Variants in SNX29 observed in about 807,000 individuals in gnomAD.
The protein encoded by SNX29 is sorting nexin-29.
In SNX29, 78 loss-of-function variants were observed where a neutral mutation model predicts 102.1. The observed-to-expected ratio is 0.76, with a 90% confidence interval of 0.64 to 0.92. The LOEUF is 0.92. SNX29 is among the 40% of genes least tolerant of loss of function. The probability of loss-of-function intolerance (pLI) is 0.00; values close to 1 mark genes in which losing one functional copy is unlikely to be tolerated. For synonymous variants in SNX29, 580 were observed against 414.5 expected (o/e 1.40, Z -4.85); for missense variants, 1,280 against 1,061.7 (o/e 1.21, Z -2.86).
intron 3 of SNX29, among the ~76,000 whole-genome samples, chr16:12,011,005 C>G (rs1004468451): frequency 6.6e-6 from 1 of 151,960 alleles, no homozygotes; most frequent in African/African-American, 2.4e-5. Context: ...CAGCCTCTAA[C>G]TAGTTTGAGG....
chr16:12,515,719 C>A, intron 19 of SNX29: 2 of 431,004 alleles, frequency 4.6e-6, no homozygotes, highest in Admixed American at 2.5e-5. Flanking sequence ...TGGATCTAAG[C>A]TCCGGAGGGC....
intron 20 of SNX29, among the ~76,000 whole-genome samples, chr16:12,566,622 A>G (rs186909963): frequency 6.6e-6 from 1 of 152,182 alleles, no homozygotes; most frequent in African/African-American, 2.4e-5. Context: ...CCTACACTGC[A>G]AGCAAAGACC....
chr16:12,530,169 A>G (rs775962943), intron 20 of SNX29, among the ~76,000 whole-genome samples: 14 of 152,192 alleles, frequency 9.2e-5, no homozygotes, highest in Non-Finnish European at 1.5e-4. Context: ...TGGTAGCCAC[A>G]TAGAAAGTGC....
intron 14 of SNX29, among the ~76,000 whole-genome samples, chr16:12,223,673 G>A (rs1424676683): frequency 1.3e-5 from 2 of 152,192 alleles, no homozygotes; most frequent in Non-Finnish European, 2.9e-5. Flanking sequence ...TCAGGTGAGA[G>A]TCATGTGTAC....
intron 20 of SNX29, among the ~76,000 whole-genome samples, chr16:12,551,458 C>T (rs566837309): frequency 1.3e-5 from 2 of 152,196 alleles, no homozygotes; most frequent in Admixed American, 6.5e-5. Context: ...TTTAAAAATA[C>T]AGAGGCCAGG....
Position 12,571,716 on chromosome 16 carries a change from G to A in SNX29, c.*3087G>A, listed in dbSNP as rs2079191494. The A allele has an allele frequency of 9.5e-7, 1 of 1,053,888 alleles. No individual in the cohort carries two copies. Among genetic ancestry groups the A allele is most frequent in the Non-Finnish European group, 1.1e-6 (1 of 870,054 alleles). The allele number at this position is 1,053,888 out of a possible 1,614,324, so 65.3% of individuals were successfully genotyped here. A position where few individuals can be genotyped will look rare whatever the true frequency, so the allele number is the denominator to read the frequency against. ...AGACAACAAAAGCTTCTAAGGGAGG[G>A]AGCTTAAAGGCTGCTAGAAACCTAG... On this transcript the variant is annotated 3_prime_UTR_variant, in exon 21 of 21. Coordinates refer to ENST00000566228, the MANE Select transcript of SNX29 (RefSeq NM_032167.5).
At chr16:12,072,930 T>G (rs1286994832) in intron 10 of SNX29, among the ~76,000 whole-genome samples, 1 of 152,248 alleles carries the variant, frequency 6.6e-6, no homozygotes, top group South Asian at 2.1e-4. Context: ...TATCCATTTC[T>G]TCTAGATTTT....
At chr16:12,075,060 A>G (rs1362252943) in intron 10 of SNX29, among the ~76,000 whole-genome samples, 2 of 152,138 alleles carry the variant, frequency 1.3e-5, no homozygotes, top group Admixed American at 6.5e-5. Flanking sequence ...CTAGTTATAC[A>G]TTCGTCTAAA....
chr16:12,068,551 A>T (rs1209702778), intron 9 of SNX29, among the ~76,000 whole-genome samples: 2 of 150,298 alleles, frequency 1.3e-5, no homozygotes, highest in African/African-American at 2.4e-5. Flanking sequence ...AGGGCTTTTA[A>T]AAAAAAATTT....
At position 12,078,875 on chromosome 16, in the gene SNX29, C is replaced by A. The variant is rs774457698; in HGVS notation, c.1362C>A (p.Ser454Arg). The change falls in exon 11 of 21, where the codon AGC (serine) becomes AGA (arginine). Residue 454 changes from serine to arginine, a missense_variant. Coordinates refer to ENST00000566228, the MANE Select transcript of SNX29 (RefSeq NM_032167.5). ...SSPGHGSPLS[S>R]LLPSASVPES... is the part of the protein sequence containing the mutation. ...CAGGCCACGGAAGTCCTCTGAGCAG[C>A]CTGTTACCTTCTGCCTCAGTGCCAG... 6.2e-7 allele frequency: 1 copy of A among 1,607,208 alleles called. No individual in the cohort carries two copies. The highest frequency in any genetic ancestry group is 8.5e-7 in the Non-Finnish European group (1 of 1,177,060).
chr16:12,494,255 A>G (rs1452358274), intron 19 of SNX29, among the ~76,000 whole-genome samples: 1 of 151,996 alleles, frequency 6.6e-6, no homozygotes. Flanking sequence ...AGACCCCACC[A>G]TCTCTGCGTC....
chr16:12,407,070 C>G (rs559459445), intron 18 of SNX29, among the ~76,000 whole-genome samples: 1 of 152,330 alleles, frequency 6.6e-6, no homozygotes, highest in African/African-American at 2.4e-5. Context: ...GGAACAAGCT[C>G]TCCTAGCGTG....
At chr16:12,547,960 T>G (rs1229362451) in intron 20 of SNX29, among the ~76,000 whole-genome samples, 2 of 152,112 alleles carry the variant, frequency 1.3e-5, no homozygotes, top group Non-Finnish European at 2.9e-5. Context: ...AGGTGCTCAG[T>G]CTTTTGGGAG....
intron 19 of SNX29, among the ~76,000 whole-genome samples, chr16:12,500,823 C>A (rs1463705470): frequency 6.6e-6 from 1 of 152,180 alleles, no homozygotes; most frequent in Admixed American, 6.5e-5. Flanking sequence ...TGTTGTGTGT[C>A]ATTTTTGCAG....
At chr16:12,030,808 G>A (rs904656034) in intron 4 of SNX29, among the ~76,000 whole-genome samples, 3 of 152,150 alleles carry the variant, frequency 2.0e-5, no homozygotes, top group Non-Finnish European at 4.4e-5. Context: ...ATCTGTCTCT[G>A]TTCTACCTCT....
At chr16:12,545,678 G>C (rs995930477) in intron 20 of SNX29, 11 of 152,266 alleles carry the variant, frequency 7.2e-5, no homozygotes, top group Admixed American at 4.6e-4. Flanking sequence ...CTAGGCTCCA[G>C]GTTAAGGGGA....
chr16:12,564,343 C>T (rs920636328), intron 20 of SNX29, among the ~76,000 whole-genome samples: 2 of 152,198 alleles, frequency 1.3e-5, no homozygotes, highest in African/African-American at 2.4e-5. Context: ...TCAGTCATTT[C>T]AGGATGTCAA....
At chr16:12,369,035 T>TA (rs1199415281) in intron 16 of SNX29, among the ~76,000 whole-genome samples, 2 of 152,152 alleles carry the variant, frequency 1.3e-5, no homozygotes, top group African/African-American at 2.4e-5. Flanking sequence ...CTTGGTCTCT[T>TA]ATAGAAACTG....
intron 16 of SNX29, among the ~76,000 whole-genome samples, chr16:12,360,836 G>C (rs1272460747): frequency 6.6e-6 from 1 of 152,150 alleles, no homozygotes; most frequent in African/African-American, 2.4e-5. Flanking sequence ...TCAGGGAGGT[G>C]ATATCATCTC....
Sources: allele counts gnomAD v4.1 joint callset (sites outside exome capture counted in the v4.1 genomes callset), GRCh38; gene constraint gnomAD v4.1.1; transcripts MANE v1.5; gene names NCBI Gene and HGNC (gene_info 2026-07-23, HGNC 2026-07-21).